DGLUCY: variants seen among roughly 807,000 people sequenced by gnomAD.
The protein encoded by DGLUCY is D-glutamate cyclase.
A neutral mutation model predicts 58.5 loss-of-function variants in DGLUCY; 58 were observed. The observed-to-expected ratio is 0.99, with a 90% confidence interval of 0.80 to 1.23. The LOEUF (loss-of-function observed/expected upper bound fraction) is 1.23, where lower values mean the gene tolerates loss of function less well. Ranked by LOEUF, DGLUCY falls within the 50% of genes most tolerant of loss-of-function variation. DGLUCY has a pLI of 0.00. For missense variants in DGLUCY, 779 were observed against 784.7 expected (o/e 0.99, Z 0.09); for synonymous variants, 325 against 314.1 (o/e 1.03, Z -0.37).
chr14:91,224,647 C>A, intron 13 of DGLUCY, 37 bp from the exon 14 acceptor site: 1 of 1,555,670 alleles, frequency 6.4e-7, no homozygotes, highest in South Asian at 1.2e-5. Flanking sequence ...TTTTCCTCCC[C>A]CTCCACTCCT....
chr14:91,199,032 C>G (rs2050392212), intron 10 of DGLUCY, among the ~76,000 whole-genome samples: 1 of 152,126 alleles, frequency 6.6e-6, no homozygotes, highest in African/African-American at 2.4e-5. Flanking sequence ...ATTTTGAGCC[C>G]TTTTCCTTCT....
At chr14:91,200,810 A>G (rs961195671) in intron 11 of DGLUCY, among the ~76,000 whole-genome samples, 2 of 152,130 alleles carry the variant, frequency 1.3e-5, no homozygotes, top group African/African-American at 2.4e-5. Flanking sequence ...TGTTTATTTC[A>G]CCTGGGTGCA....
chr14:91,223,094 T>C (rs1887744099), intron 13 of DGLUCY, among the ~76,000 whole-genome samples: 1 of 152,170 alleles, frequency 6.6e-6, no homozygotes, highest in African/African-American at 2.4e-5. Flanking sequence ...CATACAAAAT[T>C]TGAGGGTACA....
At chr14:91,173,045 G>A (rs947634842) in intron 5 of DGLUCY, among the ~76,000 whole-genome samples, 2 of 152,130 alleles carry the variant, frequency 1.3e-5, no homozygotes, top group Non-Finnish European at 1.5e-5. Context: ...CTTTGACCAG[G>A]GGTCCACAGC....
intron 9 of DGLUCY, among the ~76,000 whole-genome samples, chr14:91,190,044 G>A (rs1475429625): frequency 5.8e-5 from 8 of 138,830 alleles, no homozygotes; most frequent in South Asian, 4.6e-4. Context: ...CTGGAGTGCA[G>A]TGGCGCGATC....
intron 11 of DGLUCY, among the ~76,000 whole-genome samples, chr14:91,201,776 G>A (rs910598051): frequency 1.3e-5 from 2 of 151,958 alleles, no homozygotes; most frequent in Non-Finnish European, 2.9e-5. Flanking sequence ...ATATGGTCTG[G>A]GCGTGGTGGC....
intron 3 of DGLUCY, chr14:91,165,293 G>A: frequency 2.2e-6 from 1 of 456,058 alleles, no homozygotes; most frequent in South Asian, 1.6e-5. Flanking sequence ...GAACACCGAG[G>A]TGCTCAATAA....
Position 91,074,118 on chromosome 14 carries a change from TACAC to T in DGLUCY, c.-82+13454_-82+13457del, listed in dbSNP as rs3086753. 6.3e-3 allele frequency among the ~76,000 whole-genome samples: 444 copies of T among 70,318 alleles called. 1 individual carries two copies. Among genetic ancestry groups the T allele is most frequent in the Middle Eastern group, 0.017 (2 of 116 alleles). The allele number at this position is 70,318 out of a possible 152,430, so 46.1% of individuals were successfully genotyped here. A position where few individuals can be genotyped will look rare whatever the true frequency, so the allele number is the denominator to read the frequency against. On this transcript the variant is annotated intron_variant, in intron 1 of 4. Coordinates refer to the DGLUCY transcript ENST00000521334. Reference sequence around the variant, plus strand: ...CAAAAAAAAAAAATATATATATATATACACACACACACACACACACACACACACA... The same window carrying T: ...CAAAAAAAAAAAATATATATATATATACACACACACACACACACACACACA...
At chr14:91,098,677 G>A (rs1030122994) in intron 1 of DGLUCY, among the ~76,000 whole-genome samples, 1 of 152,066 alleles carries the variant, frequency 6.6e-6, no homozygotes, top group African/African-American at 2.4e-5. Context: ...CCTGACCACT[G>A]CTGCAGGCCT....
chr14:91,216,183 G>C (rs983388084), intron 13 of DGLUCY: 5 of 166,376 alleles, frequency 3.0e-5, no homozygotes, highest in African/African-American at 1.2e-4. Flanking sequence ...GAGAGCAGGA[G>C]GTAGGGGGTG....
At chr14:91,118,259 TATTTTTAG>T (rs1415569499) in intron 1 of DGLUCY, among the ~76,000 whole-genome samples, 17 of 151,870 alleles carry the variant, frequency 1.1e-4, no homozygotes, top group African/African-American at 4.1e-4. Flanking sequence ...CTAATTTTTG[TATTTTTAG>T]ATTTTTAGTA....
chr14:91,191,318 G>A (rs2049878578), intron 9 of DGLUCY, among the ~76,000 whole-genome samples: 1 of 152,180 alleles, frequency 6.6e-6, no homozygotes, highest in Non-Finnish European at 1.5e-5. Flanking sequence ...GGGGAGAGTT[G>A]TTTATAGGTA....
At chr14:91,155,673 G>C (rs2047576772) in intron 1 of DGLUCY, among the ~76,000 whole-genome samples, 1 of 152,004 alleles carries the variant, frequency 6.6e-6, no homozygotes, top group African/African-American at 2.4e-5. Context: ...GTGCTCACCT[G>C]TAGTCCCAGC....
intron 1 of DGLUCY, among the ~76,000 whole-genome samples, chr14:91,076,510 A>G (rs1445671606): frequency 1.3e-5 from 2 of 152,086 alleles, no homozygotes; most frequent in Admixed American, 6.6e-5. Context: ...CTGCAGATGT[A>G]GAAGCCATAG....
exon 1 of DGLUCY, chr14:91,060,556 G>C (rs2043629347): frequency 2.5e-6 from 3 of 1,180,088 alleles, no homozygotes; most frequent in Middle Eastern, 2.5e-4. Flanking sequence ...TCCAGAACTC[G>C]GACGCAAAGA....
intron 1 of DGLUCY, among the ~76,000 whole-genome samples, chr14:91,117,717 T>C (rs1007286764): frequency 3.9e-5 from 6 of 151,990 alleles, no homozygotes; most frequent in African/African-American, 1.4e-4. Flanking sequence ...AAGAGACTTA[T>C]TCTGAGGCAA....
intron 1 of DGLUCY, among the ~76,000 whole-genome samples, chr14:91,119,809 G>A (rs1378129738): frequency 1.3e-5 from 2 of 152,200 alleles, no homozygotes; most frequent in African/African-American, 4.8e-5. Context: ...TAGGACAAAA[G>A]CAGGCAGAGG....
At chr14:91,195,696 A>G (rs892491915) in intron 9 of DGLUCY, among the ~76,000 whole-genome samples, 4 of 125,788 alleles carry the variant, frequency 3.2e-5, no homozygotes, top group African/African-American at 6.1e-5. Flanking sequence ...TTTGAGATGC[A>G]TTCTCACTCT....
At chr14:91,144,247 A>G (rs1296667214) in intron 1 of DGLUCY, among the ~76,000 whole-genome samples, 1 of 152,204 alleles carries the variant, frequency 6.6e-6, no homozygotes, top group African/African-American at 2.4e-5. Context: ...GGTAACAAAC[A>G]TTTATCAGGT....
Sources: allele counts gnomAD v4.1 joint callset (sites outside exome capture counted in the v4.1 genomes callset), GRCh38; gene constraint gnomAD v4.1.1; transcripts MANE v1.5; gene names NCBI Gene and HGNC (gene_info 2026-07-23, HGNC 2026-07-21).